The following LRRC7 variants were observed in gnomAD, a reference collection of about 807,000 sequenced individuals.
LRRC7 encodes the protein leucine rich repeat containing 7.
LRRC7 carries 23 observed loss-of-function variants against 175.7 expected under a neutral mutation model. That is an observed-to-expected ratio of 0.13 (90% CI 0.09 to 0.19). The LOEUF is 0.19. LRRC7 is among the 10% of genes least tolerant of loss of function. The pLI, the probability that LRRC7 is intolerant of heterozygous loss-of-function variation, is 1.00. For missense variants in LRRC7, 1,354 were observed against 1,904.7 expected (o/e 0.71, Z 5.38); for synonymous variants, 685 against 680.9 (o/e 1.01, Z -0.09).
At chr1:69,914,209 G>A (rs2101711796) in intron 7 of LRRC7, among the ~76,000 whole-genome samples, 1 of 152,262 alleles carries the variant, frequency 6.6e-6, no homozygotes, top group South Asian at 2.1e-4. Flanking sequence ...TCCTGAGTCA[G>A]CAAATCCAAG....
chr1:69,976,932 A>G (rs1160472029), intron 8 of LRRC7, among the ~76,000 whole-genome samples: 1 of 142,254 alleles, frequency 7.0e-6, no homozygotes, highest in East Asian at 2.2e-4. Flanking sequence ...CCTATTCTCT[A>G]AGCTTCAGAT....
rs1459395179 is a variant in LRRC7 at position 70,140,384 on chromosome 1, C to A, written c.*18497C>A. 6.6e-6 allele frequency: 1 copy of A among 152,198 alleles called. No individual in the cohort carries two copies. The highest frequency in any genetic ancestry group is 2.4e-5 in the African/African-American group (1 of 41,454). 9.4% of individuals were successfully genotyped at this position (152,198 alleles called of 1,614,324 possible). A position where few individuals can be genotyped will look rare whatever the true frequency, so the allele number is the denominator to read the frequency against. On this transcript the variant is annotated 3_prime_UTR_variant, in exon 27 of 27. Coordinates refer to ENST00000651989, the MANE Select transcript of LRRC7 (RefSeq NM_001370785.2). Reference sequence around the variant, plus strand: ...CCAGCTACTGGTAAGTCATTTTGTCCATTTTCATTGATCTGGCCACATAAG... The same window carrying A: ...CCAGCTACTGGTAAGTCATTTTGTCAATTTTCATTGATCTGGCCACATAAG...
At chr1:69,683,996 A>T (rs78373028) in intron 2 of LRRC7, among the ~76,000 whole-genome samples, 1 of 152,198 alleles carries the variant, frequency 6.6e-6, no homozygotes, top group African/African-American at 2.4e-5. Context: ...AAAATTATAA[A>T]TTGTCATAAA....
chr1:70,039,086 C>T lies in LRRC7; in HGVS notation c.3262C>T (p.Pro1088Ser), dbSNP rs1188705317. The T allele has an allele frequency of 1.2e-6, 2 of 1,614,108 alleles. No individual in the cohort carries two copies. The highest frequency in any genetic ancestry group is 8.5e-7 in the Non-Finnish European group (1 of 1,180,008). The change falls in exon 21 of 27, where the codon CCC (proline) becomes TCC (serine). Residue 1088 changes from proline (P) to serine (S), a missense_variant. Physicochemically the swap from Pro to Ser is moderately conservative, Grantham distance 74. Transcript: ENST00000651989. ...VEVKAEKRIPPPFQHNPEYVQ... is the reference protein window; with the variant it reads ...VEVKAEKRIPSPFQHNPEYVQ... Reference sequence around the variant, plus strand: ...AGTGAAAGCCGAAAAGAGGATACCACCCCCTTTTCAACACAATCCCGAGTA... The same window carrying T: ...AGTGAAAGCCGAAAAGAGGATACCATCCCCTTTTCAACACAATCCCGAGTA...
chr1:69,737,213 C>T (rs538949936), intron 2 of LRRC7, among the ~76,000 whole-genome samples: 85 of 152,210 alleles, frequency 5.6e-4, no homozygotes, highest in Middle Eastern at 3.4e-3. Context: ...TCCCATAAAC[C>T]GCACGTGTTG....
chr1:69,811,081 A>AAAAC (rs1677796826), intron 4 of LRRC7, among the ~76,000 whole-genome samples: 2 of 151,806 alleles, frequency 1.3e-5, no homozygotes, highest in Admixed American at 6.6e-5. Context: ...TTACAAGAAA[A>AAAAC]AAACAACCCC....
chr1:70,053,224 TATC>T (rs1387055668), intron 23 of LRRC7, 79 bp downstream of exon 23: 11 of 1,277,252 alleles, frequency 8.6e-6, no homozygotes, highest in Middle Eastern at 2.0e-4. Context: ...TTTTGTGTCT[TATC>T]ATAATTTCTA....
At chr1:69,905,252 TTTA>T (rs36050545) in intron 7 of LRRC7, among the ~76,000 whole-genome samples, 145 of 150,074 alleles carry the variant, frequency 9.7e-4, no homozygotes, top group African/African-American at 3.0e-3. Flanking sequence ...GTAAGTTCTT[TTTA>T]TTATTATTAT....
At chr1:70,100,249 T>C (rs1664715568) in intron 25 of LRRC7, among the ~76,000 whole-genome samples, 1 of 152,118 alleles carries the variant, frequency 6.6e-6, no homozygotes, top group Admixed American at 6.5e-5. Flanking sequence ...ATAAAAAATA[T>C]TCTAGTATTT....
chr1:69,745,346 C>T (rs1426219285), intron 2 of LRRC7, among the ~76,000 whole-genome samples: 1 of 152,060 alleles, frequency 6.6e-6, no homozygotes, highest in African/African-American at 2.4e-5. Flanking sequence ...TCTGTTGGCA[C>T]TGGTGCAAGA....
At chr1:70,075,083 A>T (rs1466311113) in intron 23 of LRRC7, among the ~76,000 whole-genome samples, 1 of 152,220 alleles carries the variant, frequency 6.6e-6, no homozygotes, top group Non-Finnish European at 1.5e-5. Flanking sequence ...CAGGAAATAA[A>T]TCCCCACGTC....
intron 18 of LRRC7, among the ~76,000 whole-genome samples, chr1:70,032,153 A>G (rs749762396): frequency 6.6e-6 from 1 of 152,210 alleles, no homozygotes; most frequent in Non-Finnish European, 1.5e-5. Context: ...AGCTACCTCA[A>G]GCTAGCCATT....
chr1:69,828,639 A>T (rs1680194995), intron 5 of LRRC7, among the ~76,000 whole-genome samples: 1 of 152,138 alleles, frequency 6.6e-6, no homozygotes, highest in Non-Finnish European at 1.5e-5. Context: ...AGAAAGAAAT[A>T]AATGAAATGA....
chr1:69,975,308 G>A (rs1243395121), intron 8 of LRRC7, among the ~76,000 whole-genome samples: 1 of 152,064 alleles, frequency 6.6e-6, no homozygotes, highest in East Asian at 1.9e-4. Flanking sequence ...TACACACCAA[G>A]ATTTTATAGT....
intron 4 of LRRC7, among the ~76,000 whole-genome samples, chr1:69,815,205 G>C (rs1406178007): frequency 3.9e-5 from 6 of 152,010 alleles, no homozygotes; most frequent in Admixed American, 3.9e-4. Context: ...CTGGTTCCTG[G>C]TTACATTTCT....
chr1:69,900,983 A>T (rs1377385676), intron 7 of LRRC7, among the ~76,000 whole-genome samples: 2 of 152,354 alleles, frequency 1.3e-5, no homozygotes, highest in East Asian at 3.9e-4. Context: ...AGGCAATAAA[A>T]CCAGAAAGGT....
At chr1:70,106,996 A>G (rs577005150) in intron 25 of LRRC7, among the ~76,000 whole-genome samples, 20 of 152,162 alleles carry the variant, frequency 1.3e-4, no homozygotes, top group Non-Finnish European at 2.5e-4. Flanking sequence ...CTTCTCCTCC[A>G]CTAGATTGTG....
chr1:70,007,662 T>C (rs1382743190), intron 11 of LRRC7, among the ~76,000 whole-genome samples: 1 of 152,228 alleles, frequency 6.6e-6, no homozygotes, highest in African/African-American at 2.4e-5. Context: ...GAACATCTTT[T>C]CTTTGCATTA....
chr1:69,758,555 C>G (rs574623980), intron 2 of LRRC7, among the ~76,000 whole-genome samples: 1 of 151,912 alleles, frequency 6.6e-6, no homozygotes, highest in East Asian at 1.9e-4. Flanking sequence ...ATTGGTTACA[C>G]GGGTAAATTG....
Sources: gnomAD v4.1 joint callset for allele counts (sites outside exome capture counted in the v4.1 genomes callset) on GRCh38, gnomAD v4.1.1 for gene constraint, MANE v1.5 for transcripts, NCBI Gene and HGNC (gene_info 2026-07-23, HGNC 2026-07-21) for gene names.